Variants in UNC5D observed in about 807,000 individuals in gnomAD.
UNC5D encodes netrin receptor UNC5D.
In UNC5D, 39 loss-of-function variants were observed where a neutral mutation model predicts 105.4. That is an observed-to-expected ratio of 0.37 (90% CI 0.29 to 0.48). The LOEUF is 0.48. UNC5D is among the 20% of genes least tolerant of loss of function. UNC5D has a pLI of 0.98. For missense variants in UNC5D, 991 were observed against 1,202.4 expected (o/e 0.82, Z 2.60); for synonymous variants, 452 against 450.4 (o/e 1.00, Z -0.04).
intron 2 of UNC5D, among the ~76,000 whole-genome samples, chr8:35,551,126 T>G (rs1366044349): frequency 6.6e-6 from 1 of 151,948 alleles, no homozygotes; most frequent in East Asian, 1.9e-4. Flanking sequence ...AAAAAATGAA[T>G]CTGGAAGAAA....
At position 35,726,187 on chromosome 8, in the gene UNC5D, G is replaced by C; in HGVS notation, c.1339G>C (p.Asp447His). 1.2e-6 allele frequency: 2 copies of C among 1,613,608 alleles called. No individual in the cohort carries two copies. Among genetic ancestry groups the C allele is most frequent in the Non-Finnish European group, 8.5e-7 (1 of 1,179,622 alleles). Residue 447 changes from aspartate (D) to histidine (H), a missense_variant, in exon 10 of 17, where the codon GAT (aspartate) becomes CAT (histidine). Asp to His is a moderately conservative substitution (Grantham distance 81). Transcript: ENST00000404895. Reference sequence around the variant, plus strand: ...GCTCCTGAATTCTGCCATGCAGCCAGATCTGACAGTGAGCCGGACATACAG... The same window carrying C: ...GCTCCTGAATTCTGCCATGCAGCCACATCTGACAGTGAGCCGGACATACAG... Reference protein sequence around the residue: ...SLLLNSAMQPDLTVSRTYSGP... With the variant: ...SLLLNSAMQPHLTVSRTYSGP...
At chr8:35,737,244 G>T (rs889542099) in intron 11 of UNC5D, among the ~76,000 whole-genome samples, 4 of 146,676 alleles carry the variant, frequency 2.7e-5, no homozygotes, top group African/African-American at 5.1e-5. Flanking sequence ...AACTTGGCAA[G>T]ATCTGCTCTG....
intron 4 of UNC5D, among the ~76,000 whole-genome samples, chr8:35,664,840 A>G (rs546679249): frequency 2.6e-4 from 39 of 151,916 alleles, no homozygotes; most frequent in Non-Finnish European, 3.1e-4. Flanking sequence ...AATTTATTTT[A>G]TTTTATTTTT....
At chr8:35,607,134 A>G (rs539600575) in intron 4 of UNC5D, among the ~76,000 whole-genome samples, 1 of 152,338 alleles carries the variant, frequency 6.6e-6, no homozygotes, top group East Asian at 1.9e-4. Context: ...GCAAGATATG[A>G]AAAACTTTCA....
chr8:35,594,791 G>A (rs2130898362), intron 3 of UNC5D, among the ~76,000 whole-genome samples: 1 of 152,254 alleles, frequency 6.6e-6, no homozygotes. Context: ...AGGAAGCTTA[G>A]TGCATTGTTC....
At position 35,793,055 on chromosome 8, in the gene UNC5D, C is replaced by T. The variant is rs1341592503; in HGVS notation, c.*2492C>T. 2.2e-6 allele frequency: 1 copy of T among 453,950 alleles called. No homozygotes were observed. The highest frequency in any genetic ancestry group is 2.4e-5 in the Admixed American group (1 of 42,206). The allele number at this position is 453,950 out of a possible 1,614,324, so 28.1% of individuals were successfully genotyped here. A position where few individuals can be genotyped will look rare whatever the true frequency, so the allele number is the denominator to read the frequency against. ...AAAGGAGGAAGTTAACTTAATTCAC[C>T]TCAGACTTCAGCCTAAGATTCAATC... On this transcript the variant is annotated 3_prime_UTR_variant, in exon 17 of 17. Transcript: ENST00000404895.
intron 1 of UNC5D, among the ~76,000 whole-genome samples, chr8:35,467,773 A>G (rs553163398): frequency 2.2e-4 from 33 of 152,262 alleles, no homozygotes; most frequent in African/African-American, 7.9e-4. Context: ...AAGATTACCA[A>G]GCACTATCTT....
At chr8:35,473,621 T>C (rs570376463) in intron 1 of UNC5D, among the ~76,000 whole-genome samples, 1 of 152,334 alleles carries the variant, frequency 6.6e-6, no homozygotes, top group South Asian at 2.1e-4. Context: ...TAAGTCAGTG[T>C]TCTCAACTGA....
intron 4 of UNC5D, among the ~76,000 whole-genome samples, chr8:35,678,977 G>A (rs1825470881): frequency 6.6e-6 from 1 of 152,002 alleles, no homozygotes; most frequent in East Asian, 1.9e-4. Flanking sequence ...ATAGAACCAG[G>A]CACTGTGATT....
At chr8:35,591,701 T>C (rs1819185103) in intron 3 of UNC5D, among the ~76,000 whole-genome samples, 1 of 152,150 alleles carries the variant, frequency 6.6e-6, no homozygotes, top group African/African-American at 2.4e-5. Flanking sequence ...ACTCACCAGG[T>C]ATTTATTAAG....
At chr8:35,428,938 A>G (rs912453410) in intron 1 of UNC5D, among the ~76,000 whole-genome samples, 4 of 152,112 alleles carry the variant, frequency 2.6e-5, no homozygotes, top group African/African-American at 9.7e-5. Flanking sequence ...TCACAAAGAA[A>G]TCTAATATGT....
chr8:35,696,457 C>A (rs186395994), intron 7 of UNC5D, among the ~76,000 whole-genome samples: 71 of 151,924 alleles, frequency 4.7e-4, no homozygotes, highest in African/African-American at 1.6e-3. Flanking sequence ...GATTCAACAG[C>A]ACAAAACCCC....
chr8:35,517,775 C>A (rs1354292772), intron 1 of UNC5D, among the ~76,000 whole-genome samples: 1 of 152,134 alleles, frequency 6.6e-6, no homozygotes, highest in East Asian at 1.9e-4. Flanking sequence ...GGGTAGCTTA[C>A]AAACAACAGA....
chr8:35,722,151 A>C, intron 8 of UNC5D, 59 bp from the exon 9 acceptor site: 1 of 1,570,634 alleles, frequency 6.4e-7, no homozygotes, highest in Non-Finnish European at 8.6e-7. Context: ...TGTATTCCCG[A>C]GTGGTTCTTT....
intron 1 of UNC5D, among the ~76,000 whole-genome samples, chr8:35,406,253 T>C (rs897600959): frequency 1.8e-4 from 28 of 152,152 alleles, no homozygotes; most frequent in African/African-American, 5.3e-4. Flanking sequence ...AAGATGACAA[T>C]ACTTGGTAAA....
chr8:35,553,000 T>C (rs1186480209), intron 2 of UNC5D, among the ~76,000 whole-genome samples: 1 of 152,204 alleles, frequency 6.6e-6, no homozygotes, highest in Non-Finnish European at 1.5e-5. Context: ...TGGGGCTGTA[T>C]GTTTTTTATC....
intron 1 of UNC5D, among the ~76,000 whole-genome samples, chr8:35,548,778 C>T (rs889987547): frequency 6.6e-6 from 1 of 152,188 alleles, no homozygotes; most frequent in African/African-American, 2.4e-5. Context: ...GATTGCCAGA[C>T]AATCTCCACC....
chr8:35,383,196 C>G (rs1435950539), intron 1 of UNC5D, among the ~76,000 whole-genome samples: 1 of 152,170 alleles, frequency 6.6e-6, no homozygotes, highest in Admixed American at 6.5e-5. Context: ...TGTCCAGCAG[C>G]TTACCATTGG....
chr8:35,242,467 T>TTTTATTTA (rs577790221), intron 1 of UNC5D, among the ~76,000 whole-genome samples: 6 of 151,852 alleles, frequency 4.0e-5, no homozygotes, highest in African/African-American at 1.5e-4. Context: ...CAGCTTATTA[T>TTTTATTTA]TTTATTTATT....
Sources: allele counts gnomAD v4.1 joint callset (sites outside exome capture counted in the v4.1 genomes callset), GRCh38; gene constraint gnomAD v4.1.1; transcripts MANE v1.5; gene names NCBI Gene and HGNC (gene_info 2026-07-23, HGNC 2026-07-21).